The following ZNF93 variants were observed in gnomAD, a reference collection of about 807,000 sequenced individuals.
The protein encoded by ZNF93 is zinc finger protein 93.
A neutral mutation model predicts 45.0 loss-of-function variants in ZNF93; 29 were observed. The observed-to-expected ratio is 0.64, with a 90% CI of 0.48 to 0.88. The LOEUF (loss-of-function observed/expected upper bound fraction) is 0.88, where lower values mean the gene tolerates loss of function less well. Among genes scored for constraint, ZNF93 ranks in the 40% least tolerant of loss-of-function variants. The pLI is 0.00. For synonymous variants in ZNF93, 223 were observed against 244.6 expected (o/e 0.91, Z 0.82); for missense variants, 578 against 724.0 (o/e 0.80, Z 2.31).
At chr19:19,902,905 TA>T (rs1393107657) in intron 1 of ZNF93, among the ~76,000 whole-genome samples, 2 of 151,144 alleles carry the variant, frequency 1.3e-5, no homozygotes, top group Non-Finnish European at 2.9e-5. Flanking sequence ...CCCGGCTAAT[TA>T]AAAAAAATTT....
intron 1 of ZNF93, among the ~76,000 whole-genome samples, chr19:19,902,866 A>G (rs1029615134): frequency 6.6e-5 from 10 of 151,294 alleles, no homozygotes; most frequent in African/African-American, 2.4e-4. Context: ...CCTCCCGAGT[A>G]GCTGGGACTA....
At chr19:19,926,724 T>C (rs2063357265) in intron 3 of ZNF93, among the ~76,000 whole-genome samples, 2 of 152,254 alleles carry the variant, frequency 1.3e-5, no homozygotes, top group East Asian at 3.9e-4. Flanking sequence ...TTTAGACAAT[T>C]TGTAATTCTG....
chr19:19,933,352 C>T lies in ZNF93; in HGVS notation c.397C>T (p.Leu133Phe), dbSNP rs2063380538. ...GGTGCACACAGGAGGTTATAATGGA[C>T]TTAACCAGTGTAGTACAACTACCCA... is the stretch of plus-strand genomic sequence containing the variant. ...CKVHTGGYNG[L>F]NQCSTTTQSK... The change falls in exon 4 of 4, where the codon CTT becomes TTT. Residue 133 changes from leucine (L) to phenylalanine (F), a missense_variant. Physicochemically the swap from Leu to Phe is conservative, Grantham distance 22. This residue lies in a region of ZNF93 where 446 missense variants were observed against 547.6 expected (regional missense o/e 0.81). Coordinates refer to ENST00000343769, the MANE Select transcript of ZNF93 (RefSeq NM_031218.4). 1 of 1,609,512 alleles carries T rather than the reference C, an allele frequency of 6.2e-7. No individual in the cohort carries two copies. Among genetic ancestry groups the T allele is most frequent in the South Asian group, 1.1e-5 (1 of 90,214 alleles).
At chr19:19,906,613 C>A (rs2063293580) in intron 1 of ZNF93, among the ~76,000 whole-genome samples, 1 of 152,120 alleles carries the variant, frequency 6.6e-6, no homozygotes, top group Admixed American at 6.5e-5. Context: ...GTTTCTGTGT[C>A]TAGAATGGTA....
At chr19:19,929,375 G>GT (rs1248202398) in intron 3 of ZNF93, among the ~76,000 whole-genome samples, 3 of 152,064 alleles carry the variant, frequency 2.0e-5, no homozygotes, top group African/African-American at 7.2e-5. Flanking sequence ...TGTTGTCTAA[G>GT]TTTTTTGGTT....
intron 3 of ZNF93, among the ~76,000 whole-genome samples, chr19:19,928,268 T>C (rs2063362094): frequency 6.6e-6 from 1 of 152,230 alleles, no homozygotes; most frequent in African/African-American, 2.4e-5. Flanking sequence ...GGTTCATTTC[T>C]GAGCTCTCTA....
intron 1 of ZNF93, among the ~76,000 whole-genome samples, chr19:19,912,041 G>A (rs1047839388): frequency 1.3e-5 from 2 of 151,988 alleles, no homozygotes; most frequent in East Asian, 1.9e-4. Flanking sequence ...GACCCACCGC[G>A]CTTGGCCGTA....
intron 1 of ZNF93, chr19:19,907,655 TCCTG>T (rs2063296664): frequency 2.0e-5 from 3 of 152,002 alleles, no homozygotes; most frequent in Non-Finnish European, 4.4e-5. Flanking sequence ...CAAGTGATTC[TCCTG>T]CCTCAGCCTC....
rs1407823908 is a variant in ZNF93 at position 19,935,199 on chromosome 19, C to G, written c.*381C>G. 1 of 211,610 alleles carries G rather than the reference C, an allele frequency of 4.7e-6. No individual in the cohort carries two copies. The highest frequency in any genetic ancestry group is 9.5e-6 in the Non-Finnish European group (1 of 105,688). 13.1% of individuals were successfully genotyped at this position (211,610 alleles called of 1,614,324 possible). A position where few individuals can be genotyped will look rare whatever the true frequency, so the allele number is the denominator to read the frequency against. On this transcript the variant is annotated 3_prime_UTR_variant, in exon 4 of 4. Transcript: ENST00000343769. ...GCAGACCTGACTGCCAAAACATGCC[C>G]TAGTGTCTGCCGTACAGAGTGAAGT...
rs1465730838 is a variant in ZNF93 at position 19,934,259 on chromosome 19, T to C, written c.1304T>C (p.Val435Ala). 1 of 1,594,436 alleles carries C rather than the reference T, an allele frequency of 6.3e-7. No homozygotes were observed. Among genetic ancestry groups the C allele is most frequent in the Admixed American group, 1.8e-5 (1 of 57,092 alleles). ...TGTGAAGAATGTGGCAAAGCCTTTG[T>C]TGCATCCTCAACCCTTAGTAAACAT... ...YKCEECGKAF[V>A]ASSTLSKHEI... Residue 435 changes from valine to alanine, a missense_variant, in exon 4 of 4, where the codon GTT (valine) becomes GCT (alanine). By Grantham distance (64) the Val-to-Ala change is moderately conservative. Around this residue, in one of 3 missense-constraint regions of ZNF93, gnomAD observed 446 missense variants for 547.6 expected, o/e 0.81. Transcript: ENST00000343769.
In ZNF93 at chr19:19,934,866, T is replaced by C; in HGVS notation, c.*48T>C. The C allele has an allele frequency of 6.5e-7, 1 of 1,545,752 alleles. No homozygotes were observed. The highest frequency in any genetic ancestry group is 1.2e-5 in the South Asian group (1 of 80,960). The stretch of plus-strand genomic sequence containing the variant: ...CCTTCAAGTGGTCCTCACACCTTAC[T>C]ATACACTGAGAGTTCTGAACTTACT... On this transcript the variant is annotated 3_prime_UTR_variant, in exon 4 of 4. Transcript: ENST00000343769.
chr19:19,925,608 T>C lies in ZNF93; in HGVS notation c.227-7574T>C, dbSNP rs531555529. ...ACAATATGCTAGAATTTGCATGGTA[T>C]GCCTCAAGTAAATTAGATAATTAGT... is the stretch of plus-strand genomic sequence containing the variant. On this transcript the variant is annotated intron_variant, in intron 3 of 3. Coordinates refer to ENST00000343769, the MANE Select transcript of ZNF93 (RefSeq NM_031218.4). 1.8e-4 allele frequency among the ~76,000 whole-genome samples: 27 copies of C among 152,384 alleles called. No individual in the cohort carries two copies. The South Asian group carries it at 3.5e-3, about 20-fold the overall frequency.
Position 19,901,221 on chromosome 19 carries a change from C to T in ZNF93, c.3+130C>T, listed in dbSNP as rs1433468422. On this transcript the variant is annotated intron_variant, in intron 1 of 3. Coordinates refer to ENST00000343769, the MANE Select transcript of ZNF93 (RefSeq NM_031218.4). ...TCTGCGCCGGAGTTCTTGCCCAGCTCGGCCTCGGTTCCCTTCAGCCATAAG... is the reference window on the plus strand; with the variant it reads ...TCTGCGCCGGAGTTCTTGCCCAGCTTGGCCTCGGTTCCCTTCAGCCATAAG... The T allele has an allele frequency of 1.3e-5, 19 of 1,473,278 alleles. No homozygotes were observed. The East Asian group carries it at 3.9e-4, about 31-fold the overall frequency. The allele number at this position is 1,473,278 out of a possible 1,614,324, so 91.3% of individuals were successfully genotyped here.
chr19:19,934,156 G>A lies in ZNF93; in HGVS notation c.1201G>A (p.Glu401Lys). ...TGGAGAGAAGCCCTACAAATGTGAA[G>A]AATGTGGCAAAGCCTTTAAGTACTC... is the stretch of plus-strand genomic sequence containing the variant. ...HTGEKPYKCE[E>K]CGKAFKYSST... The change falls in exon 4 of 4, where the codon GAA (glutamate) becomes AAA (lysine). Residue 401 changes from glutamate (E) to lysine (K), a missense_variant. Around this residue, in one of 3 missense-constraint regions of ZNF93, gnomAD observed 446 missense variants for 547.6 expected, o/e 0.81. Transcript: ENST00000343769. The A allele has an allele frequency of 6.2e-7, 1 of 1,611,386 alleles. No homozygotes were observed. The highest frequency in any genetic ancestry group is 1.7e-4 in the Middle Eastern group (1 of 6,056).
chr19:19,923,231 G>A lies in ZNF93; in HGVS notation c.226+6576G>A, dbSNP rs901989325. On this transcript the variant is annotated intron_variant, in intron 3 of 3. Transcript: ENST00000343769. ...CCCTGTTTGCCTGGGTATCAGCAGCGGAGGCTGCAGAACAGCGAATATTGG... is the reference window on the plus strand; with the variant it reads ...CCCTGTTTGCCTGGGTATCAGCAGCAGAGGCTGCAGAACAGCGAATATTGG... 8.5e-5 allele frequency among the ~76,000 whole-genome samples: 13 copies of A among 152,136 alleles called. No homozygotes were observed. The East Asian group carries it at 1.5e-3, about 18-fold the overall frequency.
At chr19:19,911,996 G>A (rs917167036) in intron 1 of ZNF93, among the ~76,000 whole-genome samples, 5 of 152,032 alleles carry the variant, frequency 3.3e-5, no homozygotes, top group Middle Eastern at 3.4e-3. Flanking sequence ...TTCTGCACCC[G>A]CCTTGGTCTC....
At chr19:19,912,289 T>C (rs567184445) in intron 1 of ZNF93, among the ~76,000 whole-genome samples, 11 of 152,270 alleles carry the variant, frequency 7.2e-5, no homozygotes, top group Non-Finnish European at 1.3e-4. Flanking sequence ...GAATTCTACA[T>C]AGGGTTCTCA....
At position 19,934,589 on chromosome 19, in the gene ZNF93, C is replaced by T. The variant is rs2063387055; in HGVS notation, c.1634C>T (p.Ala545Val). 1 of 1,613,710 alleles carries T rather than the reference C, an allele frequency of 6.2e-7. No individual in the cohort carries two copies. Among genetic ancestry groups the T allele is most frequent in the African/African-American group, 1.3e-5 (1 of 74,920 alleles). Residue 545 changes from alanine (A) to valine (V), a missense_variant, in exon 4 of 4, where the codon GCT becomes GTT. By Grantham distance (64) the Ala-to-Val change is moderately conservative. Transcript: ENST00000343769. The part of the protein sequence containing the change: ...KPYKCEECGK[A>V]FHLSTHLTTH... ...TACAAATGTGAAGAATGTGGCAAAG[C>T]TTTTCACCTATCCACACACCTTACT...
At chr19:19,913,948 C>T (rs534726602) in intron 1 of ZNF93, among the ~76,000 whole-genome samples, 7 of 152,268 alleles carry the variant, frequency 4.6e-5, no homozygotes, top group South Asian at 2.1e-4. Context: ...GTTTTTCCTC[C>T]GTGAGTTTGA....
Sources: allele counts gnomAD v4.1 joint callset (sites outside exome capture counted in the v4.1 genomes callset), GRCh38; gene constraint gnomAD v4.1.1; regional missense constraint gnomAD v4.1.1; transcripts MANE v1.5; gene names NCBI Gene and HGNC (gene_info 2026-07-23, HGNC 2026-07-21).